The following PRICKLE2 variants were observed in gnomAD, a reference collection of about 807,000 sequenced individuals.
PRICKLE2 encodes prickle planar cell polarity protein 2, also known as prickle-like protein 2.
PRICKLE2 carries 21 observed loss-of-function variants against 81.4 expected under a neutral mutation model. The ratio of observed to expected loss-of-function variants is 0.26; its 90% CI spans 0.18 to 0.37. PRICKLE2 has a LOEUF of 0.37. PRICKLE2 is among the 10% of genes least tolerant of loss of function. The probability of loss-of-function intolerance (pLI) is 1.00; values close to 1 mark genes in which losing one functional copy is unlikely to be tolerated. For missense variants in PRICKLE2, 940 were observed against 1,109.0 expected, an observed-to-expected ratio of 0.85 and a Z score of 2.16; for synonymous variants, 456 against 421.5, an observed-to-expected ratio of 1.08 and a Z score of -1.00.
chr3:64,266,631 G>C (rs1053020240), intron 2 of PRICKLE2, among the ~76,000 whole-genome samples: 1 of 152,130 alleles, frequency 6.6e-6, no homozygotes, highest in Non-Finnish European at 1.5e-5. Context: ...TTTGGCAATT[G>C]ATGATTTGAA....
chr3:64,233,822 T>C (rs142370214), intron 2 of PRICKLE2, among the ~76,000 whole-genome samples: 12 of 152,326 alleles, frequency 7.9e-5, no homozygotes, highest in African/African-American at 2.6e-4. Context: ...TAGTAAGCAG[T>C]AGTCACTCCC....
intron 1 of PRICKLE2, 34 bp from the exon 2 acceptor site, chr3:64,199,001 G>GA: frequency 6.2e-7 from 1 of 1,601,552 alleles, no homozygotes; most frequent in Admixed American, 1.7e-5. Context: ...TGAGAAAGAG[G>GA]AAAAAACCTT....
intron 7 of PRICKLE2, among the ~76,000 whole-genome samples, chr3:64,108,008 G>C (rs996077761): frequency 2.0e-5 from 3 of 152,090 alleles, no homozygotes; most frequent in Admixed American, 6.6e-5. Context: ...TTAGAACAGC[G>C]GTTTGCAAAC....
intron 1 of PRICKLE2, among the ~76,000 whole-genome samples, chr3:64,223,202 G>GACA (rs770347983): frequency 7.9e-5 from 12 of 152,020 alleles, no homozygotes; most frequent in African/African-American, 1.7e-4. Flanking sequence ...TGGTAACAAT[G>GACA]ACAACAACAA....
chr3:64,211,237 C>T (rs1293097276), intron 1 of PRICKLE2, among the ~76,000 whole-genome samples: 2 of 152,136 alleles, frequency 1.3e-5, no homozygotes, highest in Non-Finnish European at 2.9e-5. Flanking sequence ...GGAACAGAGG[C>T]AATGCCGAAA....
chr3:64,183,010 T>C (rs547874494), intron 2 of PRICKLE2, among the ~76,000 whole-genome samples: 3 of 152,294 alleles, frequency 2.0e-5, no homozygotes, highest in South Asian at 4.1e-4. Context: ...TACCCATCAA[T>C]TAAAAGATGG....
chr3:64,232,761 C>A (rs2079124722), intron 2 of PRICKLE2, among the ~76,000 whole-genome samples: 1 of 152,132 alleles, frequency 6.6e-6, no homozygotes, highest in Non-Finnish European at 1.5e-5. Context: ...TCTTAATTCC[C>A]AGTTGAGTCC....
rs572239470 is a variant in PRICKLE2, at chr3:64,149,850, T to C, written c.788-2148A>G. 3.4e-3 allele frequency among the ~76,000 whole-genome samples: 521 copies of C among 152,262 alleles called. 2 individuals carry two copies. The highest frequency in any genetic ancestry group is 0.012 in the African/African-American group (500 of 41,532). On this transcript the variant is annotated intron_variant, in intron 6 of 7. Coordinates refer to ENST00000638394, the MANE Select transcript of PRICKLE2 (RefSeq NM_198859.4). ...CCCAAACTATGGGGTTCTCTTTTCATTTTGAAACCTGGCCTTAGAGACTAA... is the reference window on the plus strand; with the variant it reads ...CCCAAACTATGGGGTTCTCTTTTCACTTTGAAACCTGGCCTTAGAGACTAA...
intron 2 of PRICKLE2, among the ~76,000 whole-genome samples, chr3:64,237,639 A>G (rs2079202047): frequency 6.6e-6 from 1 of 152,062 alleles, no homozygotes; most frequent in African/African-American, 2.4e-5. Flanking sequence ...AGTTTTGGAA[A>G]AGGCAAAATT....
chr3:64,175,500 G>A (rs985123912), intron 2 of PRICKLE2, among the ~76,000 whole-genome samples: 1 of 152,068 alleles, frequency 6.6e-6, no homozygotes, highest in Non-Finnish European at 1.5e-5. Flanking sequence ...AACAAGCATT[G>A]CAAGCTTCTG....
intron 2 of PRICKLE2, among the ~76,000 whole-genome samples, chr3:64,171,281 C>A (rs1015779134): frequency 2.0e-5 from 3 of 152,176 alleles, no homozygotes; most frequent in East Asian, 1.9e-4. Context: ...GGCAATAATA[C>A]CCCCCAAGAG....
intron 7 of PRICKLE2, among the ~76,000 whole-genome samples, chr3:64,142,864 C>T (rs2077385238): frequency 6.6e-6 from 1 of 152,198 alleles, no homozygotes. Flanking sequence ...ACACCTTTAT[C>T]CACTTATTCA....
intron 7 of PRICKLE2, among the ~76,000 whole-genome samples, chr3:64,113,199 G>A (rs1033255771): frequency 6.6e-6 from 1 of 152,238 alleles, no homozygotes; most frequent in African/African-American, 2.4e-5. Flanking sequence ...GTGTAGCCCA[G>A]AGGGTTTGCT....
At chr3:64,187,560 G>A (rs1401922762) in intron 2 of PRICKLE2, 1 of 152,266 alleles carries the variant, frequency 6.6e-6, no homozygotes, top group Non-Finnish European at 1.5e-5. Context: ...ATCTCAGCAT[G>A]TGCTGATGGA....
At chr3:64,110,141 A>G (rs1050585384) in intron 7 of PRICKLE2, among the ~76,000 whole-genome samples, 1 of 152,246 alleles carries the variant, frequency 6.6e-6, no homozygotes, top group East Asian at 1.9e-4. Flanking sequence ...CATATTGCTA[A>G]TTGAAAGGAT....
At chr3:64,266,065 C>T (rs113522746) in intron 2 of PRICKLE2, among the ~76,000 whole-genome samples, 1,688 of 152,240 alleles carry the variant, frequency 0.011, 21 homozygotes, top group African/African-American at 0.037. Flanking sequence ...TGAGGAAAGA[C>T]TGCCTTGTAA....
At chr3:64,126,183 A>G (rs1178673877) in intron 7 of PRICKLE2, among the ~76,000 whole-genome samples, 2 of 152,228 alleles carry the variant, frequency 1.3e-5, no homozygotes, top group African/African-American at 4.8e-5. Context: ...CCTATCTCCC[A>G]AGAGAATCTG....
At chr3:64,256,446 A>T (rs2079526934) in intron 2 of PRICKLE2, among the ~76,000 whole-genome samples, 1 of 152,210 alleles carries the variant, frequency 6.6e-6, no homozygotes, top group African/African-American at 2.4e-5. Flanking sequence ...CCTACATACT[A>T]GTCTTGATTT....
chr3:64,167,020 C>T (rs1337420784), intron 2 of PRICKLE2, among the ~76,000 whole-genome samples: 1 of 152,214 alleles, frequency 6.6e-6, no homozygotes, highest in Non-Finnish European at 1.5e-5. Flanking sequence ...GCATTTTCCT[C>T]TGGCATTCTC....
Sources: gnomAD v4.1 joint callset for allele counts (sites outside exome capture counted in the v4.1 genomes callset) on GRCh38, gnomAD v4.1.1 for gene constraint, MANE v1.5 for transcripts, NCBI Gene and HGNC (gene_info 2026-07-23, HGNC 2026-07-21) for gene names.